SULT6B1: variants seen among roughly 807,000 people sequenced by gnomAD.
SULT6B1 encodes the protein sulfotransferase family 6B member 1.
In SULT6B1, 44 loss-of-function variants were observed where a neutral mutation model predicts 37.2. The observed-to-expected ratio is 1.18, with a 90% CI of 0.93 to 1.52. The LOEUF is 1.52. Among genes scored for constraint, SULT6B1 ranks in the 40% most tolerant of loss-of-function variants. The pLI is 0.00. For synonymous variants in SULT6B1, 140 were observed against 126.0 expected, an observed-to-expected ratio of 1.11 and a Z score of -0.74; for missense variants, 450 against 361.0, an observed-to-expected ratio of 1.25 and a Z score of -2.00.
intron 4 of SULT6B1, among the ~76,000 whole-genome samples, chr2:37,177,613 G>A (rs945374551): frequency 5.3e-5 from 8 of 152,038 alleles, no homozygotes; most frequent in Non-Finnish European, 1.2e-4. Context: ...ATTCAGTTAT[G>A]AGCATCTTGA....
chr2:37,173,667 T>C (rs1348041101), intron 5 of SULT6B1, among the ~76,000 whole-genome samples: 2 of 152,170 alleles, frequency 1.3e-5, no homozygotes, highest in African/African-American at 4.8e-5. Context: ...GAGGCTTACT[T>C]GACTTCTCTC....
At chr2:37,182,285 G>A (rs10168505) in intron 3 of SULT6B1, among the ~76,000 whole-genome samples, 63,036 of 147,284 alleles carry the variant, frequency 0.43, 13,779 homozygotes, top group African/African-American at 0.48. Context: ...ACAAGGTCTC[G>A]CTCTGCCGCC....
chr2:37,178,381 A>G (rs1676476206), intron 4 of SULT6B1, among the ~76,000 whole-genome samples: 1 of 152,062 alleles, frequency 6.6e-6, no homozygotes, highest in South Asian at 2.1e-4. Context: ...GATTACAGGC[A>G]TGCAACACCA....
intron 3 of SULT6B1, 34 bp from the exon 4 acceptor site, chr2:37,179,618 T>A (rs4459710): frequency 8.1e-5 from 130 of 1,597,826 alleles, no homozygotes; most frequent in Non-Finnish European, 5.1e-6. Context: ...TTTATTTGGG[T>A]CTATGTTTTG....
intron 1 of SULT6B1, chr2:37,194,781 G>A (rs1000730535): frequency 1.9e-5 from 3 of 155,414 alleles, no homozygotes; most frequent in Non-Finnish European, 2.8e-5. Flanking sequence ...ATTTCTTTAA[G>A]CTTTTTTTCT....
chr2:37,185,060 A>G (rs538488683), intron 2 of SULT6B1, among the ~76,000 whole-genome samples: 1 of 152,158 alleles, frequency 6.6e-6, no homozygotes, highest in African/African-American at 2.4e-5. Flanking sequence ...TTTAGAGATT[A>G]AGAACAGGCT....
chr2:37,191,350 A>C (rs1276286120), upstream of SULT6B1: 1 of 151,524 alleles, frequency 6.6e-6, no homozygotes, highest in Admixed American at 6.6e-5. Flanking sequence ...CTAGTGATGC[A>C]GGATGGCACA....
At chr2:37,177,445 A>T (rs1406914783) in intron 4 of SULT6B1, among the ~76,000 whole-genome samples, 1 of 137,530 alleles carries the variant, frequency 7.3e-6, no homozygotes, top group East Asian at 3.8e-4. Flanking sequence ...AAAGAAAGAA[A>T]AAAAAGAGAA....
intron 5 of SULT6B1, among the ~76,000 whole-genome samples, chr2:37,173,882 A>C (rs1475310778): frequency 6.6e-6 from 1 of 152,134 alleles, no homozygotes; most frequent in Non-Finnish European, 1.5e-5. Flanking sequence ...TCTCACACCT[A>C]GCCAGAATGA....
chr2:37,194,337 C>G (rs771630308), intron 1 of SULT6B1: 23 of 263,008 alleles, frequency 8.7e-5, no homozygotes, highest in Non-Finnish European at 1.5e-4. Flanking sequence ...ATCTTGGCCT[C>G]CCAAAGTGCT....
intron 6 of SULT6B1, among the ~76,000 whole-genome samples, chr2:37,170,735 C>G (rs1484181670): frequency 1.9e-5 from 1 of 52,954 alleles, no homozygotes; most frequent in Non-Finnish European, 3.8e-5. Flanking sequence ...AAGATTCTGT[C>G]TCAAAAAAAA....
At chr2:37,175,370 AAG>A (rs2148288239) in intron 4 of SULT6B1, 144 bp from the exon 5 acceptor site, 1 of 410,676 alleles carries the variant, frequency 2.4e-6, no homozygotes, top group Non-Finnish European at 4.4e-6. Flanking sequence ...TGCCACCAAA[AAG>A]CTGATATAAA....
At chr2:37,193,856 T>A (rs1418472966) in intron 1 of SULT6B1, among the ~76,000 whole-genome samples, 1 of 152,198 alleles carries the variant, frequency 6.6e-6, no homozygotes. Context: ...TGCATCCCTC[T>A]ACCAGAGTTA....
At chr2:37,182,583 C>T (rs531468573) in intron 3 of SULT6B1, among the ~76,000 whole-genome samples, 2 of 152,214 alleles carry the variant, frequency 1.3e-5, no homozygotes, top group African/African-American at 4.8e-5. Flanking sequence ...CCCACCTCGG[C>T]CTCTCAAAGT....
intron 6 of SULT6B1, among the ~76,000 whole-genome samples, chr2:37,170,727 G>A (rs1381149734): frequency 2.2e-4 from 22 of 102,320 alleles, no homozygotes; most frequent in African/African-American, 7.0e-4. Context: ...AACACAGCAA[G>A]ATTCTGTCTC....
chr2:37,176,260 CTTTTTTT>C (rs34578951), intron 4 of SULT6B1, among the ~76,000 whole-genome samples: 1 of 112,590 alleles, frequency 8.9e-6, no homozygotes, highest in South Asian at 3.0e-4. Context: ...CACGCAATAG[CTTTTTTT>C]TTTTTTTTTT....
At chr2:37,170,947 G>A (rs1676283298) in intron 6 of SULT6B1, among the ~76,000 whole-genome samples, 1 of 150,546 alleles carries the variant, frequency 6.6e-6, no homozygotes, top group African/African-American at 2.4e-5. Flanking sequence ...CCTAAAAGAT[G>A]GTATGGGGCG....
At chr2:37,185,918 T>C (rs74806876) in intron 2 of SULT6B1, among the ~76,000 whole-genome samples, 3,534 of 152,256 alleles carry the variant, frequency 0.023, 65 homozygotes, top group Middle Eastern at 0.054. Flanking sequence ...CCTACGTTCC[T>C]GGGCCTGTCT....
chr2:37,195,070 T>A (rs1040307340), intron 1 of SULT6B1, among the ~76,000 whole-genome samples: 7 of 152,044 alleles, frequency 4.6e-5, no homozygotes, highest in Admixed American at 6.6e-5. Context: ...CTGCCTTAGA[T>A]TTCCGAATAG....
Sources: gnomAD v4.1 joint callset for allele counts (sites outside exome capture counted in the v4.1 genomes callset) on GRCh38, gnomAD v4.1.1 for gene constraint, MANE v1.5 for transcripts, NCBI Gene and HGNC (gene_info 2026-07-23, HGNC 2026-07-21) for gene names.